The following LONRF2 variants were observed in gnomAD, a reference collection of about 807,000 sequenced individuals.
The protein encoded by LONRF2 is LON peptidase N-terminal domain and RING finger protein 2.
LONRF2 carries 35 observed loss-of-function variants against 66.6 expected under a neutral mutation model. The ratio of observed to expected loss-of-function variants is 0.53; its 90% CI spans 0.40 to 0.70. The LOEUF is 0.70. LONRF2 is among the 30% of genes least tolerant of loss of function. The pLI is 0.00. For missense variants in LONRF2, 902 were observed against 1,002.1 expected (o/e 0.90, Z 1.35); for synonymous variants, 417 against 418.1 (o/e 1.00, Z 0.03).
Position 100,278,801 on chromosome 2 carries a change from G to T in LONRF2, c.*5497C>A, listed in dbSNP as rs780384379. The T allele has an allele frequency of 2.0e-5, 3 of 152,266 alleles. No homozygotes were observed. Among genetic ancestry groups the T allele is most frequent in the Non-Finnish European group, 2.9e-5 (2 of 68,064 alleles). 9.4% of individuals were successfully genotyped at this position (152,266 alleles called of 1,614,324 possible). ...CAGATATTAAAACCTCTGCCCTAGCGATGTCCACGGGCTACCTCTCCTGAG... is the reference window on the plus strand; with the variant it reads ...CAGATATTAAAACCTCTGCCCTAGCTATGTCCACGGGCTACCTCTCCTGAG... On this transcript the variant is annotated 3_prime_UTR_variant, in exon 12 of 12. Transcript: ENST00000393437.
chr2:100,299,626 T>C (rs997468216), intron 5 of LONRF2, 91 bp downstream of exon 5: 21 of 974,626 alleles, frequency 2.2e-5, no homozygotes, highest in Non-Finnish European at 2.8e-5. Context: ...TAATATTAAA[T>C]GTTGTAAAAA....
intron 5 of LONRF2, 148 bp from the exon 6 acceptor site, chr2:100,299,467 A>G: frequency 1.6e-6 from 1 of 607,512 alleles, no homozygotes; most frequent in Non-Finnish European, 2.8e-6. Flanking sequence ...AGTTAACAGC[A>G]TACAGCAATA....
At position 100,304,625 on chromosome 2, in the gene LONRF2, G is replaced by GTTGT. The variant is rs754387553; in HGVS notation, c.799-1583_799-1582insACAA. Among the ~76,000 whole-genome samples, 540 of 122,004 alleles carry GTTGT rather than the reference G, an allele frequency of 4.4e-3. 19 individuals carry two copies. The East Asian group carries it at 0.065, about 15-fold the overall frequency. The allele number at this position is 122,004 out of a possible 152,430, so 80.0% of individuals were successfully genotyped here. A position where few individuals can be genotyped will look rare whatever the true frequency, so the allele number is the denominator to read the frequency against. On this transcript the variant is annotated intron_variant, in intron 2 of 11. Coordinates refer to ENST00000393437, the MANE Select transcript of LONRF2 (RefSeq NM_198461.4). ...CACTCAGAGACAATTTTAGTTGACT[G>GTTGT]TTTTTTTTTTTTTTTTGAGACAGAG...
At chr2:100,305,972 T>C (rs1321070609) in intron 2 of LONRF2, among the ~76,000 whole-genome samples, 1 of 152,144 alleles carries the variant, frequency 6.6e-6, no homozygotes, top group Non-Finnish European at 1.5e-5. Context: ...CACTGCAACC[T>C]CCACCTCCCA....
intron 3 of LONRF2, among the ~76,000 whole-genome samples, chr2:100,302,503 C>T (rs1009410169): frequency 6.6e-6 from 1 of 152,200 alleles, no homozygotes; most frequent in Non-Finnish European, 1.5e-5. Context: ...TTCAGTGTGA[C>T]TGGATGATGG....
Position 100,321,798 on chromosome 2 carries a change from G to GCCAGCTCTT in LONRF2, c.287_295dup (p.Glu96_Leu98dup). ...GCCCACGGCGCGCACCAGGCCGCCC[G>GCCAGCTCTT]CCAGCTCTTCCAGCTCCTCCGGCCG... On this transcript the variant is annotated inframe_insertion, in exon 1 of 12. Coordinates refer to ENST00000393437, the MANE Select transcript of LONRF2 (RefSeq NM_198461.4). 1 of 1,072,122 alleles carries GCCAGCTCTT rather than the reference G, an allele frequency of 9.3e-7. No homozygotes were observed. The highest frequency in any genetic ancestry group is 1.1e-6 in the Non-Finnish European group (1 of 886,100). 66.4% of individuals were successfully genotyped at this position (1,072,122 alleles called of 1,614,324 possible).
chr2:100,318,883 G>C (rs111848000), intron 1 of LONRF2, among the ~76,000 whole-genome samples: 3,768 of 150,436 alleles, frequency 0.025, 157 homozygotes, highest in African/African-American at 0.088. Flanking sequence ...TGATATCCCA[G>C]CACTTTGGGA....
intron 1 of LONRF2, among the ~76,000 whole-genome samples, chr2:100,312,172 G>T (rs1279481649): frequency 6.6e-6 from 1 of 152,032 alleles, no homozygotes; most frequent in Admixed American, 6.6e-5. Context: ...GAATCCCTGA[G>T]GAGCATCTCA....
Position 100,279,268 on chromosome 2 carries a change from C to T in LONRF2, c.*5030G>A, listed in dbSNP as rs1368843803. ...GAGCCGAGAAACACCGCGATATCAT[C>T]ATCAGACTCATATGTTTAACACATG... On this transcript the variant is annotated 3_prime_UTR_variant, in exon 12 of 12. Transcript: ENST00000393437. 1 of 152,212 alleles carries T rather than the reference C, an allele frequency of 6.6e-6. No individual in the cohort carries two copies. Among genetic ancestry groups the T allele is most frequent in the African/African-American group, 2.4e-5 (1 of 41,380 alleles). The allele number at this position is 152,212 out of a possible 1,614,324, so 9.4% of individuals were successfully genotyped here.
chr2:100,305,142 T>C (rs1323189240), intron 2 of LONRF2, among the ~76,000 whole-genome samples: 2 of 152,182 alleles, frequency 1.3e-5, no homozygotes, highest in Non-Finnish European at 2.9e-5. Flanking sequence ...AGTACTGTTT[T>C]TGTGCAGCTG....
At position 100,282,099 on chromosome 2, in the gene LONRF2, T is replaced by G. The variant is rs908679460; in HGVS notation, c.*2199A>C. On this transcript the variant is annotated 3_prime_UTR_variant, in exon 12 of 12. Transcript: ENST00000393437. ...CTGGTATCAAAAAAATAAAAACCTA[T>G]CAAAAAATAAAAACGTATGTTGCTC... 17 of 152,038 alleles carry G rather than the reference T, an allele frequency of 1.1e-4. No homozygotes were observed. The East Asian group carries it at 3.3e-3, about 29-fold the overall frequency. The allele number at this position is 152,038 out of a possible 1,614,324, so 9.4% of individuals were successfully genotyped here.
Position 100,284,057 on chromosome 2 carries a change from T to G in LONRF2, c.*241A>C. On this transcript the variant is annotated 3_prime_UTR_variant, in exon 12 of 12. Transcript: ENST00000393437. ...TCCCCAAGCACCTGCTTCTAAGAGA[T>G]TTTCTTAGGTTGTTTTCCAACTATG... is the stretch of plus-strand genomic sequence containing the variant. The G allele has an allele frequency of 2.5e-6, 1 of 397,234 alleles. No homozygotes were observed. The highest frequency in any genetic ancestry group is 4.5e-6 in the Non-Finnish European group (1 of 221,112). The allele number at this position is 397,234 out of a possible 1,614,324, so 24.6% of individuals were successfully genotyped here.
In LONRF2 at chr2:100,276,873, C is replaced by G. The variant is rs1006822874; in HGVS notation, c.*7425G>C. Reference sequence around the variant, plus strand: ...GGGCACATACACCTTTGCAGGCCACCCACAGGGAGCTCCACGGCTTTGCCA... The same window carrying G: ...GGGCACATACACCTTTGCAGGCCACGCACAGGGAGCTCCACGGCTTTGCCA... On this transcript the variant is annotated 3_prime_UTR_variant, in exon 12 of 12. Coordinates refer to ENST00000393437, the MANE Select transcript of LONRF2 (RefSeq NM_198461.4). 1.3e-5 allele frequency: 2 copies of G among 152,228 alleles called. No homozygotes were observed. The highest frequency in any genetic ancestry group is 3.9e-4 in the East Asian group (2 of 5,194). 9.4% of individuals were successfully genotyped at this position (152,228 alleles called of 1,614,324 possible).
At chr2:100,303,605 T>C (rs1675229222) in intron 2 of LONRF2, among the ~76,000 whole-genome samples, 1 of 152,228 alleles carries the variant, frequency 6.6e-6, no homozygotes, top group Non-Finnish European at 1.5e-5. Context: ...GTTGAAAGAC[T>C]TTCTCTTAGC....
chr2:100,298,751 G>A lies in LONRF2; in HGVS notation c.1476+85C>T, dbSNP rs1289149182. 9 of 921,876 alleles carry A rather than the reference G, an allele frequency of 9.8e-6. No individual in the cohort carries two copies. The African/African-American group carries it at 1.3e-4, about 13-fold the overall frequency. The allele number at this position is 921,876 out of a possible 1,614,324, so 57.1% of individuals were successfully genotyped here. ...ATCTCAGTTTCTTTAACAACTGGGT[G>A]GGGGAAGCAACACGAGACAGGGAGT... On this transcript the variant is annotated intron_variant, in intron 7 of 11. Coordinates refer to ENST00000393437, the MANE Select transcript of LONRF2 (RefSeq NM_198461.4).
rs1379568145 is a variant in LONRF2 at position 100,316,302 on chromosome 2, G to T, written c.679+5113C>A. Among the ~76,000 whole-genome samples the T allele has an allele frequency of 6.5e-5, 7 of 107,130 alleles. No individual in the cohort carries two copies. In the Admixed American group the frequency reaches 7.6e-4, roughly 12 times the overall value. The allele number at this position is 107,130 out of a possible 152,430, so 70.3% of individuals were successfully genotyped here. ...CCACTGCACTCCAGCCTGGGCAACA[G>T]AGCGAGACTCCATCTCAAAAAAAAA... On this transcript the variant is annotated intron_variant, in intron 1 of 11. Transcript: ENST00000393437.
chr2:100,289,517 CCTTCAG>C (rs995696432), intron 10 of LONRF2, among the ~76,000 whole-genome samples: 3 of 145,718 alleles, frequency 2.1e-5, no homozygotes, highest in Non-Finnish European at 4.5e-5. Context: ...CTCACTGCAA[CCTTCAG>C]CTCCCAGGTT....
Position 100,276,420 on chromosome 2 carries a change from AT to A in LONRF2, c.*7877del. 1 of 152,198 alleles carries A rather than the reference AT, an allele frequency of 6.6e-6. No individual in the cohort carries two copies. The highest frequency in any genetic ancestry group is 6.5e-5 in the Admixed American group (1 of 15,272). The allele number at this position is 152,198 out of a possible 1,614,324, so 9.4% of individuals were successfully genotyped here. A position where few individuals can be genotyped will look rare whatever the true frequency, so the allele number is the denominator to read the frequency against. On this transcript the variant is annotated 3_prime_UTR_variant, in exon 12 of 12. Coordinates refer to ENST00000393437, the MANE Select transcript of LONRF2 (RefSeq NM_198461.4). ...TGGTCATAGTACCCAACGCCCTAAT[AT>A]CCCATATTGAACACAGACACTCTAA...
chr2:100,291,469 G>C (rs1181134980), intron 9 of LONRF2, among the ~76,000 whole-genome samples: 1 of 151,866 alleles, frequency 6.6e-6, no homozygotes, highest in African/African-American at 2.4e-5. Context: ...TTCCAATTCT[G>C]CCAGCTCTGC....
Sources: gnomAD v4.1 joint callset for allele counts (sites outside exome capture counted in the v4.1 genomes callset) on GRCh38, gnomAD v4.1.1 for gene constraint, MANE v1.5 for transcripts, NCBI Gene and HGNC (gene_info 2026-07-23, HGNC 2026-07-21) for gene names.